TLN2: variants seen among roughly 807,000 people sequenced by gnomAD.
TLN2 encodes talin 2, also known as talin-2.
TLN2 carries 118 observed loss-of-function variants against 294.7 expected under a neutral mutation model. The ratio of observed to expected loss-of-function variants is 0.40; its 90% confidence interval spans 0.34 to 0.47. TLN2 has a LOEUF of 0.47. Among genes scored for constraint, TLN2 ranks in the 20% least tolerant of loss-of-function variants. TLN2 has a pLI of 0.84. For synonymous variants in TLN2, 1,431 were observed against 1,304.5 expected (o/e 1.10, Z -2.09); for missense variants, 3,083 against 3,282.2 (o/e 0.94, Z 1.48).
intron 57 of TLN2, among the ~76,000 whole-genome samples, chr15:62,837,304 T>G (rs2069804971): frequency 6.6e-6 from 1 of 152,244 alleles, no homozygotes; most frequent in Non-Finnish European, 1.5e-5. Context: ...ATGTGATTTC[T>G]GGGTCTGGGG....
chr15:62,694,530 A>C (rs777522103), intron 14 of TLN2, 138 bp downstream of exon 14: 4 of 676,156 alleles, frequency 5.9e-6, no homozygotes, highest in African/African-American at 5.4e-5. Flanking sequence ...ATCTTCTTCA[A>C]GCGTGGTCCC....
chr15:62,729,445 T>C (rs939565035), intron 28 of TLN2, among the ~76,000 whole-genome samples: 1 of 152,166 alleles, frequency 6.6e-6, no homozygotes, highest in Admixed American at 6.5e-5. Flanking sequence ...TTGAATCAAT[T>C]TGGGGAGAAT....
intron 32 of TLN2, 104 bp downstream of exon 32, chr15:62,740,873 T>C: frequency 6.7e-7 from 1 of 1,490,588 alleles, no homozygotes. Context: ...AAAGAATTGG[T>C]GCTGTCCTTA....
intron 1 of TLN2, among the ~76,000 whole-genome samples, chr15:62,530,757 T>G (rs1306999976): frequency 6.6e-6 from 1 of 152,242 alleles, no homozygotes; most frequent in Non-Finnish European, 1.5e-5. Flanking sequence ...TTACCTACAC[T>G]GTTGTACTTT....
intron 28 of TLN2, among the ~76,000 whole-genome samples, chr15:62,731,861 C>T (rs1464111909): frequency 6.6e-6 from 1 of 152,108 alleles, no homozygotes; most frequent in East Asian, 1.9e-4. Flanking sequence ...AGTTATTCTG[C>T]CATCACTACA....
At chr15:62,653,339 A>T in intron 7 of TLN2, 25 bp downstream of exon 7, 2 of 1,598,584 alleles carry the variant, frequency 1.3e-6, no homozygotes, top group Non-Finnish European at 1.7e-6. Flanking sequence ...AGGAAGCATG[A>T]TACAGACACA....
chr15:62,543,239 G>A lies in TLN2; in HGVS notation c.-237-46448G>A, dbSNP rs1343810901. 2.0e-5 allele frequency among the ~76,000 whole-genome samples: 3 copies of A among 152,156 alleles called. No individual in the cohort carries two copies. The East Asian group carries it at 5.8e-4, about 29-fold the overall frequency. ...CTTTGGTCTTAAGTCACTCCCTAGT[G>A]GTTGCCCACATCATCAAATTGTTCA... is the stretch of plus-strand genomic sequence containing the variant. On this transcript the variant is annotated intron_variant, in intron 1 of 58. Coordinates refer to ENST00000636159, the MANE Select transcript of TLN2 (RefSeq NM_015059.3).
chr15:62,763,337 C>A (rs2062795676), intron 39 of TLN2: 2 of 450,792 alleles, frequency 4.4e-6, no homozygotes, highest in Non-Finnish European at 3.8e-6. Context: ...GAGGGCAGGA[C>A]CATATTCTTT....
intron 3 of TLN2, among the ~76,000 whole-genome samples, chr15:62,643,910 A>G (rs997603402): frequency 2.0e-5 from 3 of 152,158 alleles, no homozygotes; most frequent in Non-Finnish European, 4.4e-5. Flanking sequence ...CTGTCCTGGG[A>G]CTGTCTCTAG....
chr15:62,398,616 G>A (rs372930644), intron 1 of TLN2, among the ~76,000 whole-genome samples: 21 of 152,300 alleles, frequency 1.4e-4, no homozygotes, highest in African/African-American at 4.6e-4. Flanking sequence ...GGCTGAGGTG[G>A]TTTCAGATGG....
At chr15:62,577,420 G>T (rs1331743527) in intron 1 of TLN2, among the ~76,000 whole-genome samples, 1 of 152,104 alleles carries the variant, frequency 6.6e-6, no homozygotes, top group Non-Finnish European at 1.5e-5. Context: ...CTCCAGCCTG[G>T]GCAATAAGAG....
At chr15:62,454,267 T>G (rs769581864) in intron 1 of TLN2, among the ~76,000 whole-genome samples, 7 of 152,128 alleles carry the variant, frequency 4.6e-5, no homozygotes, top group Admixed American at 6.6e-5. Context: ...CAAATGTTTG[T>G]GTGGGCAGGA....
chr15:62,786,667 TA>T (rs2141098748), intron 45 of TLN2, among the ~76,000 whole-genome samples: 1 of 137,514 alleles, frequency 7.3e-6, no homozygotes, highest in South Asian at 2.4e-4. Context: ...AATCATTTGT[TA>T]AGATGATTTG....
chr15:62,752,183 G>A, intron 34 of TLN2, 122 bp from the exon 35 acceptor site: 1 of 1,288,666 alleles, frequency 7.8e-7, no homozygotes, highest in Non-Finnish European at 1.1e-6. Context: ...CCAAATAAAG[G>A]AGAAAATGTC....
At chr15:62,639,510 G>A (rs928853627) in intron 3 of TLN2, among the ~76,000 whole-genome samples, 1 of 152,142 alleles carries the variant, frequency 6.6e-6, no homozygotes, top group African/African-American at 2.4e-5. Context: ...AGTAGTCCTG[G>A]CATCTCTTGC....
chr15:62,596,104 A>AAATAC (rs2046482306), intron 2 of TLN2, among the ~76,000 whole-genome samples: 1 of 151,938 alleles, frequency 6.6e-6, no homozygotes, highest in African/African-American at 2.4e-5. Context: ...TCTGCTAAAA[A>AAATAC]AATACAAAAA....
intron 33 of TLN2, 146 bp downstream of exon 33, chr15:62,748,590 G>A: frequency 1.5e-6 from 1 of 683,670 alleles, no homozygotes; most frequent in Non-Finnish European, 2.4e-6. Flanking sequence ...ATCTTTCCTT[G>A]GAGGCTGTTA....
At chr15:62,455,698 CG>C (rs918812979) in intron 1 of TLN2, among the ~76,000 whole-genome samples, 56 of 152,316 alleles carry the variant, frequency 3.7e-4, no homozygotes, top group African/African-American at 1.3e-3. Context: ...CTGCCTGTCA[CG>C]GGTCACTGCT....
intron 1 of TLN2, among the ~76,000 whole-genome samples, chr15:62,528,678 T>C (rs1232298815): frequency 6.7e-6 from 1 of 148,314 alleles, no homozygotes; most frequent in Non-Finnish European, 1.5e-5. Flanking sequence ...TGCTTTTTTT[T>C]TTTTTTTTTT....
Sources: allele counts gnomAD v4.1 joint callset (sites outside exome capture counted in the v4.1 genomes callset), GRCh38; gene constraint gnomAD v4.1.1; transcripts MANE v1.5; gene names NCBI Gene and HGNC (gene_info 2026-07-23, HGNC 2026-07-21).